The following TMTC2 variants were observed in gnomAD, a reference collection of about 807,000 sequenced individuals.
The protein encoded by TMTC2 is protein O-mannosyl-transferase TMTC2.
TMTC2 carries 43 observed loss-of-function variants against 82.4 expected under a neutral mutation model. The ratio of observed to expected loss-of-function variants is 0.52; its 90% CI spans 0.41 to 0.67. The LOEUF (loss-of-function observed/expected upper bound fraction) is 0.67, where lower values mean the gene tolerates loss of function less well. Ranked by LOEUF, TMTC2 falls within the 30% of genes least tolerant of loss-of-function variation. TMTC2 has a pLI of 0.00. For missense variants in TMTC2, 919 were observed against 1,012.4 expected (o/e 0.91, Z 1.25); for synonymous variants, 408 against 381.9 (o/e 1.07, Z -0.80).
chr12:83,121,885 GGA>G (rs1256052827), intron 11 of TMTC2, among the ~76,000 whole-genome samples: 2 of 152,110 alleles, frequency 1.3e-5, no homozygotes, highest in Non-Finnish European at 2.9e-5. Context: ...GTTCTTAGGA[GGA>G]TTATGATTGT....
At chr12:82,729,803 A>G (rs951680950) in intron 1 of TMTC2, among the ~76,000 whole-genome samples, 2 of 152,294 alleles carry the variant, frequency 1.3e-5, no homozygotes, top group African/African-American at 4.8e-5. Context: ...CTTTGCAATA[A>G]ATCTTGCTGC....
At chr12:83,024,520 CAA>C (rs764424962) in intron 8 of TMTC2, among the ~76,000 whole-genome samples, 2 of 152,198 alleles carry the variant, frequency 1.3e-5, no homozygotes, top group East Asian at 3.9e-4. Flanking sequence ...AAGAAATTCC[CAA>C]AGAGTAAACA....
chr12:83,113,432 T>G lies in TMTC2; in HGVS notation c.2332-18778T>G, dbSNP rs146970237. Among the ~76,000 whole-genome samples, 303 of 152,296 alleles carry G rather than the reference T, an allele frequency of 2.0e-3. 1 individual carries two copies. The highest frequency in any genetic ancestry group is 3.0e-3 in the Non-Finnish European group (206 of 68,028). ...AGGCCGATTGTGGCAATTTCAGATA[T>G]TCTCAGAAATAAAGGCAAAATGTGC... On this transcript the variant is annotated intron_variant, in intron 11 of 11. Transcript: ENST00000321196.
chr12:82,816,503 T>C (rs1273898180), intron 1 of TMTC2, among the ~76,000 whole-genome samples: 1 of 151,970 alleles, frequency 6.6e-6, no homozygotes, highest in Non-Finnish European at 1.5e-5. Context: ...GTAACAGTGG[T>C]GATGTGTTTG....
chr12:83,111,483 T>G (rs1884597611), intron 11 of TMTC2, among the ~76,000 whole-genome samples: 1 of 152,208 alleles, frequency 6.6e-6, no homozygotes, highest in Non-Finnish European at 1.5e-5. Context: ...TTATGATGTA[T>G]TCTTCTTTTG....
intron 8 of TMTC2, among the ~76,000 whole-genome samples, chr12:83,015,827 C>G (rs1682604): frequency 1.3e-5 from 2 of 152,076 alleles, no homozygotes; most frequent in Admixed American, 6.5e-5. Flanking sequence ...TCCGGCGATA[C>G]GCTTGTCGCT....
At chr12:82,703,827 C>A (rs967992450) in intron 1 of TMTC2, among the ~76,000 whole-genome samples, 1 of 152,108 alleles carries the variant, frequency 6.6e-6, no homozygotes, top group Non-Finnish European at 1.5e-5. Context: ...TGAATTGGAA[C>A]CAGAGCATCA....
At chr12:82,942,457 A>G (rs1169026364) in intron 4 of TMTC2, among the ~76,000 whole-genome samples, 1 of 152,236 alleles carries the variant, frequency 6.6e-6, no homozygotes, top group Non-Finnish European at 1.5e-5. Context: ...TTTTTCAATT[A>G]TAATTTGTAG....
intron 11 of TMTC2, among the ~76,000 whole-genome samples, chr12:83,110,137 G>A (rs964776525): frequency 3.9e-5 from 6 of 152,058 alleles, no homozygotes; most frequent in Admixed American, 1.3e-4. Context: ...CCATCGTCAC[G>A]TCTAACCATC....
At chr12:82,795,313 A>C (rs1035732905) in intron 1 of TMTC2, among the ~76,000 whole-genome samples, 118 of 92,406 alleles carry the variant, frequency 1.3e-3, no homozygotes, top group African/African-American at 4.7e-3. Flanking sequence ...TTCCATCTCA[A>C]AAAAAAAAAA....
At chr12:82,895,759 G>A in intron 2 of TMTC2, 59 bp from the exon 3 acceptor site, 1 of 1,419,410 alleles carries the variant, frequency 7.0e-7, no homozygotes, top group Non-Finnish European at 9.6e-7. Flanking sequence ...TAAGTGTTAA[G>A]TGTTCCCATG....
Position 83,133,817 on chromosome 12 carries a change from T to C in TMTC2, c.*1428T>C, listed in dbSNP as rs1054033713. ...AAGTAGCTATACTATACCCTACATATTTATTTATTTATTATTCTACTATAG... is the reference window on the plus strand; with the variant it reads ...AAGTAGCTATACTATACCCTACATACTTATTTATTTATTATTCTACTATAG... On this transcript the variant is annotated 3_prime_UTR_variant, in exon 12 of 12. Transcript: ENST00000321196. 2.6e-5 allele frequency: 4 copies of C among 152,156 alleles called. No homozygotes were observed. The highest frequency in any genetic ancestry group is 9.7e-5 in the African/African-American group (4 of 41,442). 9.4% of individuals were successfully genotyped at this position (152,156 alleles called of 1,614,324 possible).
chr12:82,901,645 G>A (rs7307342), intron 3 of TMTC2, among the ~76,000 whole-genome samples: 1 of 151,990 alleles, frequency 6.6e-6, no homozygotes, highest in African/African-American at 2.4e-5. Flanking sequence ...TTGCCTTTTA[G>A]CATGTCTTGT....
intron 7 of TMTC2, among the ~76,000 whole-genome samples, chr12:82,978,105 A>G (rs1878761635): frequency 6.6e-6 from 1 of 151,768 alleles, no homozygotes. Flanking sequence ...TCTTCAATGA[A>G]CAGGTATAAT....
At chr12:83,089,112 C>T (rs1883755909) in intron 11 of TMTC2, among the ~76,000 whole-genome samples, 1 of 152,156 alleles carries the variant, frequency 6.6e-6, no homozygotes, top group Non-Finnish European at 1.5e-5. Flanking sequence ...TGCTGCAGAA[C>T]ACTTTGGTTT....
chr12:83,128,517 C>G (rs1221208727), intron 11 of TMTC2, among the ~76,000 whole-genome samples: 6 of 151,948 alleles, frequency 3.9e-5, no homozygotes, highest in Admixed American at 1.3e-4. Context: ...ATACTTTGTT[C>G]TATACATTAT....
At chr12:83,101,556 C>T (rs1380966707) in intron 11 of TMTC2, among the ~76,000 whole-genome samples, 1 of 152,168 alleles carries the variant, frequency 6.6e-6, no homozygotes, top group Non-Finnish European at 1.5e-5. Context: ...CATTGTGAAT[C>T]ACCACCAATG....
intron 8 of TMTC2, among the ~76,000 whole-genome samples, chr12:83,009,450 C>A (rs761990819): frequency 6.6e-6 from 1 of 151,726 alleles, no homozygotes; most frequent in Non-Finnish European, 1.5e-5. Flanking sequence ...TTTGCTTCTG[C>A]GTCAGAAAAG....
intron 10 of TMTC2, among the ~76,000 whole-genome samples, chr12:83,057,719 T>TAA (rs398116681): frequency 0.069 from 10,428 of 150,646 alleles, 416 homozygotes; most frequent in Middle Eastern, 0.092. Flanking sequence ...TCTCTCCAGT[T>TAA]AAAAAAAAAT....
Sources: gnomAD v4.1 joint callset for allele counts (sites outside exome capture counted in the v4.1 genomes callset) on GRCh38, gnomAD v4.1.1 for gene constraint, MANE v1.5 for transcripts, NCBI Gene and HGNC (gene_info 2026-07-23, HGNC 2026-07-21) for gene names.